The following NEMF variants were observed in gnomAD, a reference collection of about 807,000 sequenced individuals.
NEMF encodes nuclear export mediator factor.
NEMF carries 89 observed loss-of-function variants against 162.2 expected under a neutral mutation model. That is an observed-to-expected ratio of 0.55 (90% CI 0.46 to 0.65). The LOEUF is 0.65. Among genes scored for constraint, NEMF ranks in the 30% least tolerant of loss-of-function variants. The pLI is 0.00. For synonymous variants in NEMF, 421 were observed against 404.5 expected (o/e 1.04, Z -0.49); for missense variants, 1,133 against 1,261.9 (o/e 0.90, Z 1.55).
chr14:49,826,277 TA>T (rs1293101640), intron 15 of NEMF, among the ~76,000 whole-genome samples: 3 of 152,108 alleles, frequency 2.0e-5, no homozygotes, highest in Non-Finnish European at 2.9e-5. Context: ...TAGATGCCAT[TA>T]GAGATATAAG....
chr14:49,839,870 A>C (rs1482002516), intron 5 of NEMF: 1 of 152,246 alleles, frequency 6.6e-6, no homozygotes, highest in East Asian at 1.9e-4. Flanking sequence ...ATGAAAAAGA[A>C]AGACATTGGC....
At chr14:49,831,610 G>A (rs1213226831) in intron 10 of NEMF, among the ~76,000 whole-genome samples, 2 of 151,960 alleles carry the variant, frequency 1.3e-5, no homozygotes, top group African/African-American at 4.8e-5. Flanking sequence ...GCTAATTTTT[G>A]TAGTTTTTCA....
At chr14:49,792,148 A>C (rs2139833857) in intron 26 of NEMF, among the ~76,000 whole-genome samples, 1 of 152,146 alleles carries the variant, frequency 6.6e-6, no homozygotes, top group Non-Finnish European at 1.5e-5. Flanking sequence ...GTCTAAAAAA[A>C]AAAAAAGTCT....
intron 32 of NEMF, 88 bp downstream of exon 32, chr14:49,784,837 A>T: frequency 7.1e-7 from 1 of 1,402,554 alleles, no homozygotes; most frequent in Non-Finnish European, 1.0e-6. Flanking sequence ...CTAATAAGAC[A>T]GCATTTTCTA....
chr14:49,825,935 CT>C lies in NEMF; in HGVS notation c.1508del (p.Lys503ArgfsTer7). ...CTTCTTTTAATGTTTGCTTTGTTTT[CT>C]TTTCTGCTGACTTGAATGCCTATTT... ...AAEKAFKSAE[K>X]KTKQTLKEVQ... On this transcript the variant is annotated frameshift_variant, in exon 16 of 33. Transcript: ENST00000298310. LOFTEE classifies it high-confidence loss of function. The C allele has an allele frequency of 6.2e-7, 1 of 1,610,784 alleles. No homozygotes were observed. The highest frequency in any genetic ancestry group is 1.7e-5 in the Admixed American group (1 of 59,828).
At chr14:49,843,740 G>C (rs913004178) in intron 4 of NEMF, among the ~76,000 whole-genome samples, 2 of 152,130 alleles carry the variant, frequency 1.3e-5, no homozygotes, top group Non-Finnish European at 2.9e-5. Flanking sequence ...TAATACAATA[G>C]CAAGTATTTG....
At chr14:49,815,307 A>G (rs951702797) in intron 16 of NEMF, among the ~76,000 whole-genome samples, 2 of 152,198 alleles carry the variant, frequency 1.3e-5, no homozygotes. Flanking sequence ...TTTAAATACA[A>G]AAGACCAAAA....
intron 5 of NEMF, among the ~76,000 whole-genome samples, chr14:49,840,277 C>A (rs941466567): frequency 2.0e-5 from 3 of 152,188 alleles, no homozygotes; most frequent in African/African-American, 7.2e-5. Flanking sequence ...GCAAGGCTAA[C>A]ATGTTGAAAC....
At chr14:49,845,708 A>G (rs1038260461) in intron 4 of NEMF, among the ~76,000 whole-genome samples, 2 of 152,226 alleles carry the variant, frequency 1.3e-5, no homozygotes, top group Non-Finnish European at 2.9e-5. Context: ...CAGAGTCAGG[A>G]TCAAGATGTC....
intron 26 of NEMF, among the ~76,000 whole-genome samples, chr14:49,795,559 CT>C (rs1286498236): frequency 6.6e-6 from 1 of 152,194 alleles, no homozygotes; most frequent in Non-Finnish European, 1.5e-5. Context: ...TCTCCTATTA[CT>C]CTTCCAGATA....
At chr14:49,840,446 A>C (rs1290126976) in intron 5 of NEMF, among the ~76,000 whole-genome samples, 4 of 133,600 alleles carry the variant, frequency 3.0e-5, no homozygotes, top group Non-Finnish European at 6.3e-5. Context: ...TGAGCAACAG[A>C]GCGAGACTCC....
intron 11 of NEMF, among the ~76,000 whole-genome samples, chr14:49,830,472 C>T (rs1892580178): frequency 6.6e-6 from 1 of 152,194 alleles, no homozygotes; most frequent in Admixed American, 6.5e-5. Context: ...CAGCTCATTG[C>T]AACCTCCGCC....
At chr14:49,838,351 G>T in intron 5 of NEMF, 145 bp from the exon 6 acceptor site, 2 of 609,992 alleles carry the variant, frequency 3.3e-6, no homozygotes, top group Non-Finnish European at 5.6e-6. Flanking sequence ...TCTGTTGTGA[G>T]AAAATGGATC....
rs1890198211 is a variant in NEMF, at chr14:49,786,760, A to C, written c.2896-10T>G. The C allele has an allele frequency of 1.9e-6, 3 of 1,611,298 alleles. No homozygotes were observed. Among genetic ancestry groups the C allele is most frequent in the Non-Finnish European group, 2.5e-6 (3 of 1,178,316 alleles). ...CCAGATCTTGCTCTTCCTGTTCCGAACATATAAAAATAAAAATGTCAGCTA... is the reference window on the plus strand; with the variant it reads ...CCAGATCTTGCTCTTCCTGTTCCGACCATATAAAAATAAAAATGTCAGCTA... On this transcript the variant is annotated splice_polypyrimidine_tract_variant and intron_variant, in intron 28 of 32. Transcript: ENST00000298310.
chr14:49,790,218 G>C (rs1225746959), intron 26 of NEMF, among the ~76,000 whole-genome samples: 1 of 152,056 alleles, frequency 6.6e-6, no homozygotes, highest in Non-Finnish European at 1.5e-5. Context: ...ATTTAAAAAT[G>C]CTACTCATCA....
In NEMF at chr14:49,846,408, T is replaced by C. The variant is rs190873743; in HGVS notation, c.232-143A>G. On this transcript the variant is annotated intron_variant, in intron 3 of 32. Coordinates refer to ENST00000298310, the MANE Select transcript of NEMF (RefSeq NM_004713.6). ...AACAGTATAGTCATAAAGTAATAGA[T>C]TGCAGATGATAATCAGAGGGAAAAC... The C allele has an allele frequency of 1.9e-4, 131 of 697,830 alleles. No individual in the cohort carries two copies. The African/African-American group carries it at 2.2e-3, about 12-fold the overall frequency. The allele number at this position is 697,830 out of a possible 1,614,324, so 43.2% of individuals were successfully genotyped here. A position where few individuals can be genotyped will look rare whatever the true frequency, so the allele number is the denominator to read the frequency against.
chr14:49,808,510 G>GT (rs1891326030), intron 18 of NEMF, among the ~76,000 whole-genome samples: 1 of 151,944 alleles, frequency 6.6e-6, no homozygotes, highest in African/African-American at 2.4e-5. Flanking sequence ...TAACTTACCT[G>GT]TTTTTTGTTT....
chr14:49,831,299 C>T lies in NEMF; in HGVS notation c.945G>A (p.Gln315=). The change falls in exon 11 of 33, where the codon CAG becomes CAA. Residue 315 remains glutamine, a splice_region_variant and synonymous_variant. Transcript: ENST00000298310. ...GQKIDLKALQ[Q]EKQALKKLDN... ...AATATGTGTTTTTAATAATACATAC[C>T]TGTTGTAAAGCTTTTAAGTCAATTT... 6.5e-7 allele frequency: 1 copy of T among 1,531,930 alleles called. No individual in the cohort carries two copies. The highest frequency in any genetic ancestry group is 9.0e-7 in the Non-Finnish European group (1 of 1,105,998). 94.9% of individuals were successfully genotyped at this position (1,531,930 alleles called of 1,614,324 possible).
chr14:49,852,629 GC>G, intron 1 of NEMF, 65 bp downstream of exon 1: 1 of 1,544,894 alleles, frequency 6.5e-7, no homozygotes, highest in Non-Finnish European at 8.9e-7. Context: ...GTCTGTTTGC[GC>G]CATGGGACTC....
Sources: gnomAD v4.1 joint callset for allele counts (sites outside exome capture counted in the v4.1 genomes callset) on GRCh38, gnomAD v4.1.1 for gene constraint, MANE v1.5 for transcripts, NCBI Gene and HGNC (gene_info 2026-07-23, HGNC 2026-07-21) for gene names.